KDM3A: variants seen among roughly 807,000 people sequenced by gnomAD.
The protein encoded by KDM3A is lysine-specific demethylase 3A.
A neutral mutation model predicts 158.0 loss-of-function variants in KDM3A; 60 were observed. The ratio of observed to expected loss-of-function variants is 0.38; its 90% CI spans 0.31 to 0.47. The LOEUF (loss-of-function observed/expected upper bound fraction) is 0.47. Ranked by LOEUF, KDM3A falls within the 20% of genes least tolerant of loss-of-function variation. KDM3A has a pLI of 0.99. For synonymous variants in KDM3A, 608 were observed against 549.3 expected (o/e 1.11, Z -1.49); for missense variants, 1,319 against 1,574.3 (o/e 0.84, Z 2.74).
At chr2:86,445,148 T>A (rs765462440) in intron 2 of KDM3A, among the ~76,000 whole-genome samples, 19 of 152,238 alleles carry the variant, frequency 1.2e-4, no homozygotes. Context: ...TAGAGCATTT[T>A]ATTTTGCTAG....
At chr2:86,468,598 T>G (rs1558618812) in intron 10 of KDM3A, among the ~76,000 whole-genome samples, 2 of 152,022 alleles carry the variant, frequency 1.3e-5, no homozygotes, top group African/African-American at 2.4e-5. Flanking sequence ...ACTGTGACTT[T>G]TTTTTTTTGG....
intron 20 of KDM3A, among the ~76,000 whole-genome samples, chr2:86,485,403 A>G (rs184201981): frequency 2.6e-5 from 4 of 152,146 alleles, no homozygotes; most frequent in Admixed American, 6.5e-5. Context: ...GGGTAGATCT[A>G]TTTTCCTGAC....
intron 4 of KDM3A, among the ~76,000 whole-genome samples, chr2:86,452,986 A>G (rs569045807): frequency 1.3e-5 from 2 of 152,212 alleles, no homozygotes; most frequent in Non-Finnish European, 2.9e-5. Context: ...ATCAAATAAC[A>G]TACAGGGGGG....
intron 12 of KDM3A, among the ~76,000 whole-genome samples, chr2:86,475,895 T>C (rs1462637736): frequency 6.6e-6 from 1 of 152,184 alleles, no homozygotes; most frequent in African/African-American, 2.4e-5. Context: ...AGCACAAAAA[T>C]AACTTATTGA....
Position 86,470,419 on chromosome 2 carries a change from T to C in KDM3A, c.1724+11T>C, listed in dbSNP as rs954156365. On this transcript the variant is annotated intron_variant, in intron 11 of 25. Transcript: ENST00000312912. ...CTTTCACTTCAGGAGGTGAGGCATT[T>C]TGGGAAAAGTTCAGATAATCTGGGC... is the stretch of plus-strand genomic sequence containing the variant. 2 of 1,612,300 alleles carry C rather than the reference T, an allele frequency of 1.2e-6. No individual in the cohort carries two copies. Among genetic ancestry groups the C allele is most frequent in the African/African-American group, 1.3e-5 (1 of 74,984 alleles).
chr2:86,456,999 T>C lies in KDM3A; in HGVS notation c.771T>C (p.Ile257=), dbSNP rs779545759. 3 of 1,603,438 alleles carry C rather than the reference T, an allele frequency of 1.9e-6. No individual in the cohort carries two copies. The highest frequency in any genetic ancestry group is 2.6e-6 in the Non-Finnish European group (3 of 1,173,766). The stretch of plus-strand genomic sequence containing the variant: ...ATATTTTAGGTAATTCTGCAAGAAT[T>C]GGAGCTGTAAAACGCAAGTCTTCTG... ...NLVTCGNSAR[I]GAVKRKSSEN... is the part of the protein sequence containing the mutation. Residue 257 remains isoleucine (I), a synonymous_variant, in exon 8 of 26, where the codon ATT becomes ATC. Transcript: ENST00000312912.
intron 11 of KDM3A, 32 bp downstream of exon 11, chr2:86,470,440 T>C: frequency 6.4e-7 from 1 of 1,569,174 alleles, no homozygotes; most frequent in Non-Finnish European, 8.8e-7. Context: ...TCAGATAATC[T>C]GGGCATACTT....
chr2:86,456,348 A>T (rs1341359592), intron 5 of KDM3A, 94 bp from the exon 6 acceptor site: 3 of 942,290 alleles, frequency 3.2e-6, no homozygotes, highest in East Asian at 5.9e-5. Context: ...GCGTTTTTTT[A>T]AAAAAGACTT....
Position 86,442,123 on chromosome 2 carries a change from A to G in KDM3A, c.76A>G (p.Ser26Gly), listed in dbSNP as rs764874323. The change falls in exon 2 of 26, where the codon AGC (serine) becomes GGC (glycine). Residue 26 changes from serine to glycine, a missense_variant. Transcript: ENST00000312912. ...RFLSLSAADG[S>G]DGSHDSWDVE... ...TCTCAGTCTGTCCGCAGCCGACGGC[A>G]GCGATGGCAGCCACGACAGCTGGGA... 6 of 1,613,892 alleles carry G rather than the reference A, an allele frequency of 3.7e-6. No individual in the cohort carries two copies. The highest frequency in any genetic ancestry group is 3.3e-5 in the Admixed American group (2 of 60,006).
In KDM3A at chr2:86,491,198, G is replaced by A. The variant is rs777671218; in HGVS notation, c.3808G>A (p.Val1270Ile). 1.2e-6 allele frequency: 2 copies of A among 1,613,806 alleles called. No homozygotes were observed. Among genetic ancestry groups the A allele is most frequent in the East Asian group, 4.5e-5 (2 of 44,870 alleles). ...TGAAGATTTTGTTTCTCCAGAGCAT[G>A]TTAAACACTGCTTCTGGCTTACTCA... ...VAEDFVSPEH[V>I]KHCFWLTQEF... The change falls in exon 25 of 26, where the codon GTT becomes ATT. Residue 1270 changes from valine to isoleucine, a missense_variant. Physicochemically the swap from Val to Ile is conservative, Grantham distance 29. This residue lies in a region of KDM3A where 186 missense variants were observed against 340.9 expected (regional missense o/e 0.55). Coordinates refer to ENST00000312912, the MANE Select transcript of KDM3A (RefSeq NM_018433.6).
At chr2:86,475,632 A>G (rs1673627527) in intron 12 of KDM3A, among the ~76,000 whole-genome samples, 1 of 152,194 alleles carries the variant, frequency 6.6e-6, no homozygotes, top group African/African-American at 2.4e-5. Flanking sequence ...AGGACGGTGC[A>G]GCGTCTTCCT....
At chr2:86,472,828 G>T (rs1287547237) in intron 11 of KDM3A, among the ~76,000 whole-genome samples, 3 of 152,076 alleles carry the variant, frequency 2.0e-5, no homozygotes, top group African/African-American at 7.2e-5. Flanking sequence ...TTACCTATTT[G>T]AATAAACCCT....
intron 10 of KDM3A, among the ~76,000 whole-genome samples, chr2:86,468,273 A>C (rs1039408143): frequency 3.3e-5 from 5 of 152,176 alleles, no homozygotes; most frequent in Non-Finnish European, 7.3e-5. Flanking sequence ...AATTTGCATA[A>C]AATTAATTGC....
intron 25 of KDM3A, chr2:86,491,541 A>C: frequency 4.5e-6 from 2 of 446,188 alleles, no homozygotes; most frequent in East Asian, 3.9e-5. Flanking sequence ...AAATGAATAG[A>C]TGTGACTTCT....
chr2:86,462,201 G>GTTTT (rs370408258), intron 8 of KDM3A, among the ~76,000 whole-genome samples: 2 of 146,518 alleles, frequency 1.4e-5, no homozygotes, highest in African/African-American at 5.0e-5. Context: ...TAGATGGAGG[G>GTTTT]TTTTTTTTTT....
intron 2 of KDM3A, among the ~76,000 whole-genome samples, chr2:86,445,194 A>G (rs78649749): frequency 0.012 from 1,767 of 152,218 alleles, 33 homozygotes; most frequent in African/African-American, 0.041. Flanking sequence ...ACTGCTTGGC[A>G]TGTAGTGTGT....
At chr2:86,470,525 T>A in intron 11 of KDM3A, 117 bp downstream of exon 11, 1 of 780,104 alleles carries the variant, frequency 1.3e-6, no homozygotes, top group South Asian at 1.8e-5. Flanking sequence ...AGGTGGTAGA[T>A]GTTGCATTTA....
intron 4 of KDM3A, 27 bp downstream of exon 4, chr2:86,451,240 T>A: frequency 7.0e-7 from 1 of 1,421,030 alleles, no homozygotes; most frequent in Non-Finnish European, 9.7e-7. Flanking sequence ...GTAGTAAACA[T>A]TAGAAACAGA....
At chr2:86,455,645 A>C (rs113608301) in intron 5 of KDM3A, among the ~76,000 whole-genome samples, 40 of 152,270 alleles carry the variant, frequency 2.6e-4, no homozygotes, top group African/African-American at 9.4e-4. Flanking sequence ...GGATTATATG[A>C]AACTAACAGT....
Sources: allele counts gnomAD v4.1 joint callset (sites outside exome capture counted in the v4.1 genomes callset), GRCh38; gene constraint gnomAD v4.1.1; regional missense constraint gnomAD v4.1.1; transcripts MANE v1.5; gene names NCBI Gene and HGNC (gene_info 2026-07-23, HGNC 2026-07-21).